Variants in PBX1 observed in about 807,000 individuals in gnomAD.
PBX1 encodes pre-B-cell leukemia transcription factor 1.
A neutral mutation model predicts 53.4 loss-of-function variants in PBX1; 6 were observed. The ratio of observed to expected loss-of-function variants is 0.11; its 90% CI spans 0.06 to 0.22. The LOEUF (loss-of-function observed/expected upper bound fraction) is 0.22. Ranked by LOEUF, PBX1 falls within the 10% of genes least tolerant of loss-of-function variation. The pLI, the probability that PBX1 is intolerant of heterozygous loss-of-function variation, is 1.00. For synonymous variants in PBX1, 204 were observed against 212.3 expected (o/e 0.96, Z 0.34); for missense variants, 251 against 551.4 (o/e 0.46, Z 5.46).
At chr1:164,852,301 A>G (rs1335484084), downstream of PBX1, among the ~76,000 whole-genome samples, 2 of 152,216 alleles carry the variant, frequency 1.3e-5, no homozygotes, top group East Asian at 3.8e-4. Context: ...GTAGGCTCTC[A>G]GGAGTGTGAT....
chr1:164,881,347 AG>A, intron 2 of PBX1, among the ~76,000 whole-genome samples: 1 of 96,598 alleles, frequency 1.0e-5, no homozygotes, highest in African/African-American at 3.5e-5. Flanking sequence ...GAAGGAAGGA[AG>A]GAAGGAAGGA....
chr1:164,830,920 A>G (rs1034431600), intron 8 of PBX1, among the ~76,000 whole-genome samples: 8 of 152,214 alleles, frequency 5.3e-5, no homozygotes, highest in African/African-American at 1.9e-4. Context: ...GCAATTGTTA[A>G]GCACATTAAG....
At chr1:164,576,789 G>A (rs2101728366) in intron 2 of PBX1, 1 of 152,404 alleles carries the variant, frequency 6.6e-6, no homozygotes, top group East Asian at 1.9e-4. Context: ...CTCTCAATGT[G>A]GGCTTGGAGT....
intron 8 of PBX1, among the ~76,000 whole-genome samples, chr1:164,836,784 T>C (rs184416977): frequency 9.2e-5 from 14 of 152,336 alleles, no homozygotes; most frequent in East Asian, 1.9e-4. Context: ...ATAGCAATTA[T>C]GGCTCTGAAA....
chr1:164,775,619 T>TA (rs1667604854), intron 2 of PBX1, among the ~76,000 whole-genome samples: 2 of 152,206 alleles, frequency 1.3e-5, no homozygotes, highest in African/African-American at 4.8e-5. Flanking sequence ...TGCATTTTGT[T>TA]ATAACCGTCT....
At chr1:164,802,260 G>A (rs1181161592) in intron 4 of PBX1, among the ~76,000 whole-genome samples, 1 of 152,160 alleles carries the variant, frequency 6.6e-6, no homozygotes, top group African/African-American at 2.4e-5. Context: ...AGTTTCTGTT[G>A]GTCAGGGGCC....
intron 2 of PBX1, among the ~76,000 whole-genome samples, chr1:164,603,928 C>CTTTTTTTTTTTTTTTTT (rs1557885817): frequency 2.1e-5 from 1 of 48,734 alleles, no homozygotes; most frequent in Non-Finnish European, 3.7e-5. Context: ...TATGTCATTT[C>CTTTTTTTTTTTTTTTTT]ATTTTTTTTT....
chr1:164,811,805 C>T (rs1669626577), intron 5 of PBX1, among the ~76,000 whole-genome samples, 185 bp from the exon 6 acceptor site: 1 of 152,142 alleles, frequency 6.6e-6, no homozygotes, highest in African/African-American at 2.4e-5. Flanking sequence ...ACAAGAGAAT[C>T]GCATTTTATG....
intron 2 of PBX1, chr1:164,769,894 C>T (rs564046832): frequency 6.6e-6 from 1 of 152,156 alleles, no homozygotes; most frequent in African/African-American, 2.4e-5. Context: ...CAGATGGTAA[C>T]TGACTTGAGA....
chr1:164,755,454 C>A (rs1347295812), intron 2 of PBX1, among the ~76,000 whole-genome samples: 1 of 152,094 alleles, frequency 6.6e-6, no homozygotes, highest in Non-Finnish European at 1.5e-5. Context: ...CAGCCTTTTA[C>A]TTGTGGTTAT....
intron 2 of PBX1, among the ~76,000 whole-genome samples, chr1:164,783,034 A>T (rs1037963606): frequency 6.6e-6 from 1 of 152,196 alleles, no homozygotes; most frequent in Non-Finnish European, 1.5e-5. Context: ...CTCGTCTGAC[A>T]CAAGGTGAGA....
At chr1:164,800,100 C>G (rs914091267) in intron 4 of PBX1, among the ~76,000 whole-genome samples, 3 of 152,186 alleles carry the variant, frequency 2.0e-5, no homozygotes, top group Non-Finnish European at 4.4e-5. Context: ...TTTATCACTA[C>G]TGTTATGCAC....
At chr1:164,740,131 C>G (rs548362305) in intron 2 of PBX1, among the ~76,000 whole-genome samples, 1 of 152,082 alleles carries the variant, frequency 6.6e-6, no homozygotes, top group African/African-American at 2.4e-5. Flanking sequence ...GAAGAACTAA[C>G]GCTAGGAACA....
At chr1:164,867,489 G>A (rs534385024) in intron 2 of PBX1, among the ~76,000 whole-genome samples, 2 of 152,324 alleles carry the variant, frequency 1.3e-5, no homozygotes, top group African/African-American at 2.4e-5. Flanking sequence ...GAAAATTCAT[G>A]CACAGGTGCC....
chr1:164,577,221 T>C (rs1461740411), intron 2 of PBX1, among the ~76,000 whole-genome samples: 1 of 152,232 alleles, frequency 6.6e-6, no homozygotes. Flanking sequence ...AGGGAGATTT[T>C]TAACCCAAAG....
rs138587488 is a variant in PBX1 at position 164,783,370 on chromosome 1, G to A, written c.266-9124G>A. The stretch of plus-strand genomic sequence containing the variant: ...TGAGCTTGCCTGGAAGCATAGGTCA[G>A]TAAGGTGGGGGTGGGGGGTGTCTGT... On this transcript the variant is annotated intron_variant, in intron 2 of 8. Transcript: ENST00000420696. 1.2e-3 allele frequency among the ~76,000 whole-genome samples: 188 copies of A among 150,630 alleles called. 2 individuals carry two copies. Among genetic ancestry groups the A allele is most frequent in the African/African-American group, 4.0e-3 (164 of 40,914 alleles).
intron 2 of PBX1, among the ~76,000 whole-genome samples, chr1:164,604,221 G>A (rs1040088712): frequency 5.9e-5 from 9 of 152,104 alleles, no homozygotes; most frequent in Admixed American, 4.6e-4. Flanking sequence ...GATTACAGGC[G>A]TGAGCCACTG....
Position 164,862,500 on chromosome 1 carries a change from A to G in PBX1, n.257+31017A>G, listed in dbSNP as rs946473458. On this transcript the variant is annotated intron_variant and non_coding_transcript_variant, in intron 2 of 2. Transcript: ENST00000558796. ...GTTCAAACATTGATACTAAGTGGGA[A>G]TAAAAAGGTGAATAAGATGTTATCC... Among the ~76,000 whole-genome samples, 5 of 152,238 alleles carry G rather than the reference A, an allele frequency of 3.3e-5. 1 individual carries two copies. The highest frequency in any genetic ancestry group is 3.3e-4 in the Admixed American group (5 of 15,282).
intron 2 of PBX1, among the ~76,000 whole-genome samples, chr1:164,661,885 A>G (rs1183233302): frequency 6.6e-6 from 1 of 152,210 alleles, no homozygotes; most frequent in African/African-American, 2.4e-5. Flanking sequence ...GATAGGTTGT[A>G]GAGTAAAAAC....
Sources: gnomAD v4.1 joint callset for allele counts (sites outside exome capture counted in the v4.1 genomes callset) on GRCh38, gnomAD v4.1.1 for gene constraint, MANE v1.5 for transcripts, NCBI Gene and HGNC (gene_info 2026-07-23, HGNC 2026-07-21) for gene names.